GPR158: variants seen among roughly 807,000 people sequenced by gnomAD.
The protein encoded by GPR158 is G protein-coupled receptor 158.
A neutral mutation model predicts 78.2 loss-of-function variants in GPR158; 30 were observed. The observed-to-expected ratio is 0.38, with a 90% CI of 0.29 to 0.52. The LOEUF (loss-of-function observed/expected upper bound fraction) is 0.52, where lower values mean the gene tolerates loss of function less well. GPR158 is among the 20% of genes least tolerant of loss of function. The pLI, the probability that GPR158 is intolerant of heterozygous loss-of-function variation, is 0.83. For missense variants in GPR158, 1,463 were observed against 1,523.5 expected (o/e 0.96, Z 0.66); for synonymous variants, 581 against 591.1 (o/e 0.98, Z 0.25).
At chr10:25,529,136 C>A (rs1325832734) in intron 5 of GPR158, among the ~76,000 whole-genome samples, 1 of 152,180 alleles carries the variant, frequency 6.6e-6, no homozygotes, top group Non-Finnish European at 1.5e-5. Context: ...CGCGTGTAAT[C>A]CCAGCACTTT....
At chr10:25,363,968 C>G (rs368561325) in intron 2 of GPR158, among the ~76,000 whole-genome samples, 2 of 151,844 alleles carry the variant, frequency 1.3e-5, no homozygotes, top group Non-Finnish European at 2.9e-5. Flanking sequence ...TATAATTAAT[C>G]GCATCTACTC....
At chr10:25,540,342 G>A (rs763449451) in intron 5 of GPR158, among the ~76,000 whole-genome samples, 1 of 152,190 alleles carries the variant, frequency 6.6e-6, no homozygotes. Context: ...TACACTGTTG[G>A]TGGGACTATA....
In GPR158 at chr10:25,356,192, GA is replaced by G. The variant is rs777071377; in HGVS notation, c.1009-39716del. Among the ~76,000 whole-genome samples the G allele has an allele frequency of 1.3e-3, 197 of 152,102 alleles. 1 individual carries two copies. The highest frequency in any genetic ancestry group is 2.1e-3 in the Non-Finnish European group (141 of 67,990). ...TGGGGAGAGGGGCATCATGGATATG[GA>G]AATGATTTTCTTACCATGTACTCAG... On this transcript the variant is annotated intron_variant, in intron 2 of 10. Coordinates refer to ENST00000376351, the MANE Select transcript of GPR158 (RefSeq NM_020752.3).
intron 6 of GPR158, among the ~76,000 whole-genome samples, chr10:25,555,816 C>A (rs556461692): frequency 6.6e-6 from 1 of 151,574 alleles, no homozygotes; most frequent in East Asian, 1.9e-4. Context: ...GAAAAGCTAT[C>A]TTCTGGCTCT....
chr10:25,203,202 T>A (rs528123205), intron 1 of GPR158, among the ~76,000 whole-genome samples: 9 of 152,336 alleles, frequency 5.9e-5, no homozygotes, highest in Admixed American at 5.9e-4. Flanking sequence ...ATTCTGTAGG[T>A]TGCCTGTTCA....
chr10:25,386,404 T>C (rs1834222162), intron 2 of GPR158, among the ~76,000 whole-genome samples: 3 of 152,172 alleles, frequency 2.0e-5, no homozygotes, highest in Admixed American at 2.0e-4. Flanking sequence ...TTCAAGATTG[T>C]TTTGATGATT....
intron 4 of GPR158, among the ~76,000 whole-genome samples, chr10:25,421,795 T>G (rs531318676): frequency 3.2e-4 from 49 of 152,250 alleles, no homozygotes; most frequent in African/African-American, 1.1e-3. Context: ...TTTCCTTTTC[T>G]CCCCCTTCCC....
intron 5 of GPR158, among the ~76,000 whole-genome samples, chr10:25,520,669 T>G (rs1269320687): frequency 6.6e-6 from 1 of 151,752 alleles, no homozygotes; most frequent in Non-Finnish European, 1.5e-5. Flanking sequence ...GGGGGGTGCC[T>G]CCCAGTTAGG....
At chr10:25,569,055 A>G (rs978519980) in intron 6 of GPR158, among the ~76,000 whole-genome samples, 1 of 152,172 alleles carries the variant, frequency 6.6e-6, no homozygotes, top group Non-Finnish European at 1.5e-5. Flanking sequence ...TACAAAAACC[A>G]ATATCCTGAA....
Position 25,561,727 on chromosome 10 carries a change from G to C in GPR158, c.1514+10642G>C, listed in dbSNP as rs532472835. Among the ~76,000 whole-genome samples the C allele has an allele frequency of 6.6e-5, 10 of 150,832 alleles. No individual in the cohort carries two copies. The Admixed American group carries it at 6.6e-4, about 10-fold the overall frequency. ...GGTGTTTATGCTTAGTTAATATTAAGGTCTGATTTGAGTTCATTCAGCATT... is the reference window on the plus strand; with the variant it reads ...GGTGTTTATGCTTAGTTAATATTAACGTCTGATTTGAGTTCATTCAGCATT... On this transcript the variant is annotated intron_variant, in intron 6 of 10. Coordinates refer to ENST00000376351, the MANE Select transcript of GPR158 (RefSeq NM_020752.3).
At chr10:25,324,805 AG>A (rs1855004569) in intron 2 of GPR158, among the ~76,000 whole-genome samples, 1 of 150,054 alleles carries the variant, frequency 6.7e-6, no homozygotes, top group Admixed American at 6.6e-5. Context: ...AATATATATT[AG>A]GTAATTGTAT....
Position 25,584,981 on chromosome 10 carries a change from G to A in GPR158, c.1754-4026G>A, listed in dbSNP as rs371229006. Among the ~76,000 whole-genome samples, 7 of 152,266 alleles carry A rather than the reference G, an allele frequency of 4.6e-5. No individual in the cohort carries two copies. In the East Asian group the frequency reaches 9.6e-4, roughly 21 times the overall value. ...CAAAACAAAACAAACTACTTGATTGGCTAGAGCTAGGTGTTTGCCTTATTT... is the reference window on the plus strand; with the variant it reads ...CAAAACAAAACAAACTACTTGATTGACTAGAGCTAGGTGTTTGCCTTATTT... On this transcript the variant is annotated intron_variant, in intron 7 of 10. Coordinates refer to ENST00000376351, the MANE Select transcript of GPR158 (RefSeq NM_020752.3).
At chr10:25,547,422 C>T (rs1032657632) in intron 5 of GPR158, among the ~76,000 whole-genome samples, 48 of 152,092 alleles carry the variant, frequency 3.2e-4, no homozygotes, top group Middle Eastern at 3.2e-3. Flanking sequence ...TGTAACTATA[C>T]GCTCCACACT....
intron 5 of GPR158, among the ~76,000 whole-genome samples, chr10:25,510,411 G>C (rs1479260201): frequency 6.6e-6 from 1 of 152,072 alleles, no homozygotes; most frequent in African/African-American, 2.4e-5. Context: ...AAACCCCTTA[G>C]TTTTACTTAT....
In GPR158 at chr10:25,601,956, G is replaced by A. The variant is rs943143206; in HGVS notation, c.*2682G>A. The A allele has an allele frequency of 2.0e-5, 3 of 152,490 alleles. No homozygotes were observed. Among genetic ancestry groups the A allele is most frequent in the African/African-American group, 4.8e-5 (2 of 41,426 alleles). 9.4% of individuals were successfully genotyped at this position (152,490 alleles called of 1,614,324 possible). A position where few individuals can be genotyped will look rare whatever the true frequency, so the allele number is the denominator to read the frequency against. ...TGGTGGCAATATGGATTTGAAACTC[G>A]ACAGTTCTCTTGTATTTGCTTCCTA... On this transcript the variant is annotated 3_prime_UTR_variant, in exon 11 of 11. Transcript: ENST00000376351.
intron 1 of GPR158, among the ~76,000 whole-genome samples, chr10:25,208,765 A>G (rs1853086733): frequency 6.6e-6 from 1 of 151,764 alleles, no homozygotes; most frequent in Non-Finnish European, 1.5e-5. Flanking sequence ...TAACCTGCAA[A>G]CCCACTAGAG....
chr10:25,284,310 G>A (rs906050607), intron 2 of GPR158, among the ~76,000 whole-genome samples: 1 of 151,904 alleles, frequency 6.6e-6, no homozygotes, highest in Non-Finnish European at 1.5e-5. Flanking sequence ...GGTGTTAGTT[G>A]CATGTATATA....
intron 4 of GPR158, among the ~76,000 whole-genome samples, chr10:25,457,823 T>C (rs1214570932): frequency 6.6e-6 from 1 of 152,218 alleles, no homozygotes; most frequent in Admixed American, 6.5e-5. Context: ...TCAGCAATTT[T>C]GTGATAGAAA....
At chr10:25,415,845 G>A (rs1297320844) in intron 4 of GPR158, among the ~76,000 whole-genome samples, 2 of 152,200 alleles carry the variant, frequency 1.3e-5, no homozygotes, top group South Asian at 4.1e-4. Context: ...GTACTACCAG[G>A]AAGGAAGAAT....
Sources: gnomAD v4.1 joint callset for allele counts (sites outside exome capture counted in the v4.1 genomes callset) on GRCh38, gnomAD v4.1.1 for gene constraint, MANE v1.5 for transcripts, NCBI Gene and HGNC (gene_info 2026-07-23, HGNC 2026-07-21) for gene names.